The following ELL2 variants were observed in gnomAD, a reference collection of about 807,000 sequenced individuals.
The protein encoded by ELL2 is elongation factor for RNA polymerase II 2.
In ELL2, 21 loss-of-function variants were observed where a neutral mutation model predicts 72.8. The ratio of observed to expected loss-of-function variants is 0.29; its 90% CI spans 0.20 to 0.42. ELL2 has a LOEUF of 0.42. Among genes scored for constraint, ELL2 ranks in the 10% least tolerant of loss-of-function variants. ELL2 has a pLI of 1.00. For synonymous variants in ELL2, 266 were observed against 283.2 expected, an observed-to-expected ratio of 0.94 and a Z score of 0.61; for missense variants, 568 against 772.8, an observed-to-expected ratio of 0.73 and a Z score of 3.14.
intron 3 of ELL2, 144 bp from the exon 4 acceptor site, chr5:95,914,078 C>CA: frequency 1.5e-6 from 1 of 664,454 alleles, no homozygotes. Flanking sequence ...AATGTAAATG[C>CA]TATTTAAAAT....
intron 3 of ELL2, among the ~76,000 whole-genome samples, chr5:95,918,372 A>G (rs1487009271): frequency 1.3e-5 from 2 of 152,270 alleles, no homozygotes; most frequent in East Asian, 1.9e-4. Context: ...ATAGCAATTT[A>G]TGCCAAAACA....
chr5:95,895,820 C>G, intron 8 of ELL2, 129 bp from the exon 9 acceptor site: 2 of 753,682 alleles, frequency 2.7e-6, no homozygotes, highest in South Asian at 1.7e-5. Flanking sequence ...TCTCAATAAG[C>G]AACAGTGAGC....
intron 1 of ELL2, among the ~76,000 whole-genome samples, chr5:95,950,902 GTGTATATATATATATATATA>G (rs1277923076): frequency 0.013 from 951 of 75,028 alleles, 54 homozygotes; most frequent in African/African-American, 0.038. Context: ...ATGTATGTAT[GTGTATATATATATATATATA>G]TATATATATA....
In ELL2 at chr5:95,900,944, A is replaced by C; in HGVS notation, c.866+12T>G. On this transcript the variant is annotated intron_variant, in intron 6 of 11. Transcript: ENST00000237853. ...GAAACATTTTTTTAAAAGCAAGAAA[A>C]AAAGAATTCACCTAGAGAGCACTGA... The C allele has an allele frequency of 6.3e-7, 1 of 1,578,250 alleles. No individual in the cohort carries two copies. Among genetic ancestry groups the C allele is most frequent in the East Asian group, 2.2e-5 (1 of 44,766 alleles).
At chr5:95,933,637 T>C (rs371120267) in intron 2 of ELL2, among the ~76,000 whole-genome samples, 3 of 152,186 alleles carry the variant, frequency 2.0e-5, no homozygotes, top group Non-Finnish European at 4.4e-5. Flanking sequence ...TCATCTTTAT[T>C]CTTATGTGTA....
In ELL2 at chr5:95,888,992, A is replaced by C; in HGVS notation, c.1807-5T>G. ...TTCATGGTAATTGGGACTAGACTGC[A>C]GATGAAAAAAAAAAAAAAAAAAGAG... On this transcript the variant is annotated splice_polypyrimidine_tract_variant and splice_region_variant and intron_variant, in intron 11 of 11. Transcript: ENST00000237853. 6.9e-7 allele frequency: 1 copy of C among 1,446,114 alleles called. No individual in the cohort carries two copies. Among genetic ancestry groups the C allele is most frequent in the Non-Finnish European group, 9.5e-7 (1 of 1,055,302 alleles). The allele number at this position is 1,446,114 out of a possible 1,614,324, so 89.6% of individuals were successfully genotyped here.
chr5:95,961,439 G>T, intron 1 of ELL2, 136 bp downstream of exon 1: 2 of 1,146,528 alleles, frequency 1.7e-6, no homozygotes, highest in African/African-American at 1.6e-5. Context: ...GCCCGGCCCT[G>T]CCCTGCCTGG....
In ELL2 at chr5:95,900,976, T is replaced by A. The variant is rs35478317; in HGVS notation, c.846A>T (p.Ser282=). 672 of 1,607,608 alleles carry A rather than the reference T, an allele frequency of 4.2e-4. No individual in the cohort carries two copies. The African/African-American group carries it at 4.7e-3, about 11-fold the overall frequency. Residue 282 remains serine (S), a synonymous_variant, in exon 6 of 12, where the codon TCA becomes TCT. Transcript: ENST00000237853. The part of the protein sequence containing the change: ...WPGYSEIDRR[S]LESVLSRKLN... ...TTCACCTAGAGAGCACTGACTCCAA[T>A]GACCGTCTGTCTATTTCACTGTATC... is the stretch of plus-strand genomic sequence containing the variant.
intron 1 of ELL2, among the ~76,000 whole-genome samples, chr5:95,950,352 T>C (rs572195917): frequency 2.0e-5 from 3 of 152,292 alleles, no homozygotes; most frequent in East Asian, 1.9e-4. Context: ...GACTATTTAA[T>C]AATTATATTT....
chr5:95,961,327 C>T (rs1347653955), intron 1 of ELL2, among the ~76,000 whole-genome samples: 2 of 151,858 alleles, frequency 1.3e-5, no homozygotes, highest in African/African-American at 4.8e-5. Context: ...GCAGCGCAGC[C>T]GACCCAGGGC....
At chr5:95,946,776 C>T (rs181546046) in intron 1 of ELL2, among the ~76,000 whole-genome samples, 1 of 152,324 alleles carries the variant, frequency 6.6e-6, no homozygotes, top group African/African-American at 2.4e-5. Flanking sequence ...CTTTGCCAAT[C>T]CATAGTTATT....
At chr5:95,899,012 A>C (rs370867919) in intron 7 of ELL2, among the ~76,000 whole-genome samples, 5 of 152,344 alleles carry the variant, frequency 3.3e-5, no homozygotes, top group South Asian at 2.1e-4. Flanking sequence ...AACAACAACA[A>C]CACAAAACCA....
intron 2 of ELL2, among the ~76,000 whole-genome samples, chr5:95,921,017 A>C (rs1383778597): frequency 6.6e-6 from 1 of 152,196 alleles, no homozygotes; most frequent in Admixed American, 6.5e-5. Flanking sequence ...TCTGCCCTGC[A>C]AGATAACCTG....
chr5:95,955,103 T>C (rs1332052431), intron 1 of ELL2, among the ~76,000 whole-genome samples: 1 of 152,140 alleles, frequency 6.6e-6, no homozygotes, highest in Non-Finnish European at 1.5e-5. Context: ...ACCACTCTTC[T>C]TTGCTTACCT....
intron 10 of ELL2, 158 bp downstream of exon 10, chr5:95,890,945 A>G: frequency 1.2e-6 from 1 of 836,800 alleles, no homozygotes; most frequent in Non-Finnish European, 1.9e-6. Flanking sequence ...TTTATTTTCA[A>G]GAACTATTTC....
chr5:95,889,236 G>C, intron 10 of ELL2, 106 bp from the exon 11 acceptor site: 1 of 905,368 alleles, frequency 1.1e-6, no homozygotes, highest in Non-Finnish European at 1.7e-6. Flanking sequence ...ATTGACTGTG[G>C]GAATGTAACT....
chr5:95,936,654 G>A (rs1034852038), intron 2 of ELL2, among the ~76,000 whole-genome samples: 2 of 152,102 alleles, frequency 1.3e-5, no homozygotes, highest in Admixed American at 6.5e-5. Flanking sequence ...GTGGTAATGC[G>A]TGCCTATAGT....
Position 95,900,769 on chromosome 5 carries a change from G to A in ELL2, c.878C>T (p.Pro293Leu), listed in dbSNP as rs138311898. The stretch of plus-strand genomic sequence containing the variant: ...GCTGGTGCCTGCAGCATTCTGAGAC[G>A]GATTTAGTTTTCTGTAAAGGACACA... ...LESVLSRKLN[P>L]SQNAAGTSRS... Residue 293 changes from proline to leucine, a missense_variant, in exon 7 of 12, where the codon CCG (proline) becomes CTG (leucine). Pro to Leu is a moderately conservative substitution (Grantham distance 98). Coordinates refer to ENST00000237853, the MANE Select transcript of ELL2 (RefSeq NM_012081.6). 604 of 1,606,530 alleles carry A rather than the reference G, an allele frequency of 3.8e-4. 2 individuals are homozygous for A. The highest frequency in any genetic ancestry group is 5.3e-4 in the Admixed American group (31 of 58,358).
In ELL2 at chr5:95,935,315, C is replaced by A. The variant is rs141451156; in HGVS notation, c.195+7687G>T. On this transcript the variant is annotated intron_variant, in intron 2 of 11. Coordinates refer to ENST00000237853, the MANE Select transcript of ELL2 (RefSeq NM_012081.6). The stretch of plus-strand genomic sequence containing the variant: ...TATTCCACTAAATGAATATACCACA[C>A]TTAATCTCTATTAGCCTGTCATTGT... Among the ~76,000 whole-genome samples, 1,275 of 152,242 alleles carry A rather than the reference C, an allele frequency of 8.4e-3. 9 individuals are homozygous for A. The highest frequency in any genetic ancestry group is 0.027 in the Middle Eastern group (8 of 292).
Sources: gnomAD v4.1 joint callset for allele counts (sites outside exome capture counted in the v4.1 genomes callset) on GRCh38, gnomAD v4.1.1 for gene constraint, MANE v1.5 for transcripts, NCBI Gene and HGNC (gene_info 2026-07-23, HGNC 2026-07-21) for gene names.